The following RBFOX1 variants were observed in gnomAD, a reference collection of about 807,000 sequenced individuals.
RBFOX1 encodes RNA binding fox-1 homolog 1, also known as RNA binding protein fox-1 homolog 1.
Under a neutral mutation model 57.7 loss-of-function variants are expected in RBFOX1, and 8 were observed. That is an observed-to-expected ratio of 0.14 (90% CI 0.08 to 0.25). The LOEUF (loss-of-function observed/expected upper bound fraction) is 0.25. RBFOX1 is among the 10% of genes least tolerant of loss of function. The pLI is 1.00. For synonymous variants in RBFOX1, 326 were observed against 222.4 expected (o/e 1.47, Z -4.15); for missense variants, 611 against 548.5 (o/e 1.11, Z -1.14).
At chr16:5,327,237 C>T (rs182246999) in intron 1 of RBFOX1, among the ~76,000 whole-genome samples, 1 of 152,130 alleles carries the variant, frequency 6.6e-6, no homozygotes, top group Admixed American at 6.5e-5. Flanking sequence ...TGAAACTGGC[C>T]AGACCCTGCA....
chr16:7,300,526 A>C (rs1326049970), intron 4 of RBFOX1, among the ~76,000 whole-genome samples: 1 of 152,228 alleles, frequency 6.6e-6, no homozygotes, highest in Admixed American at 6.5e-5. Context: ...AGCTAACCCC[A>C]GTATAGATGA....
chr16:5,736,519 C>G (rs1393321208), intron 3 of RBFOX1, among the ~76,000 whole-genome samples: 1 of 152,128 alleles, frequency 6.6e-6, no homozygotes, highest in African/African-American at 2.4e-5. Context: ...GAGGGCTCGC[C>G]ACCCTGTTTC....
chr16:6,950,899 TTTC>T (rs930186854), intron 3 of RBFOX1, among the ~76,000 whole-genome samples: 2 of 97,206 alleles, frequency 2.1e-5, no homozygotes, highest in African/African-American at 6.8e-5. Context: ...CTTTTCACTC[TTTC>T]TTTCTTTCTC....
chr16:6,835,244 TG>T lies in RBFOX1; in HGVS notation c.-16+180596del, dbSNP rs553387338. Among the ~76,000 whole-genome samples, 347 of 152,246 alleles carry T rather than the reference TG, an allele frequency of 2.3e-3. 1 individual carries two copies. Among genetic ancestry groups the T allele is most frequent in the African/African-American group, 7.9e-3 (329 of 41,560 alleles). On this transcript the variant is annotated intron_variant, in intron 3 of 15. Coordinates refer to ENST00000550418, the MANE Select transcript of RBFOX1 (RefSeq NM_018723.4). ...AAGATGGCTCCGTTAGTGAGCGCTGTGGACTAAGATCCACAAACACAGCTGC... is the reference window on the plus strand; with the variant it reads ...AAGATGGCTCCGTTAGTGAGCGCTGTGACTAAGATCCACAAACACAGCTGC...
chr16:7,010,297 T>C (rs2093589981), intron 3 of RBFOX1, among the ~76,000 whole-genome samples: 1 of 152,236 alleles, frequency 6.6e-6, no homozygotes, highest in Admixed American at 6.5e-5. Flanking sequence ...CATGAACATT[T>C]AGAGAACACT....
At chr16:7,001,422 A>G (rs201203217) in intron 3 of RBFOX1, among the ~76,000 whole-genome samples, 1 of 149,638 alleles carries the variant, frequency 6.7e-6, no homozygotes, top group Admixed American at 6.7e-5. Flanking sequence ...GTATATGTAT[A>G]TGTATATGTA....
chr16:5,773,776 C>T (rs551837790), intron 3 of RBFOX1, among the ~76,000 whole-genome samples: 1 of 152,224 alleles, frequency 6.6e-6, no homozygotes, highest in South Asian at 2.1e-4. Context: ...CGGCTCACTG[C>T]AACCTCCATC....
chr16:5,746,584 T>C (rs1597079610), intron 3 of RBFOX1, among the ~76,000 whole-genome samples: 1 of 152,236 alleles, frequency 6.6e-6, no homozygotes, highest in East Asian at 1.9e-4. Context: ...TGGAATGTTC[T>C]TCTATTTGTT....
intron 1 of RBFOX1, chr16:5,467,174 TTCTCTCTC>T (rs34212245): frequency 5.3e-5 from 67 of 1,264,704 alleles, no homozygotes; most frequent in South Asian, 9.5e-5. Flanking sequence ...TCAATGTTTC[TTCTCTCTC>T]TCTCTCTCTC....
intron 10 of RBFOX1, among the ~76,000 whole-genome samples, chr16:7,608,460 G>A (rs1309116502): frequency 6.6e-6 from 1 of 152,206 alleles, no homozygotes; most frequent in Non-Finnish European, 1.5e-5. Context: ...TTTACCGGGA[G>A]CCTGGGTTAA....
intron 4 of RBFOX1, chr16:7,510,276 G>A: frequency 1.0e-6 from 1 of 985,922 alleles, no homozygotes; most frequent in Non-Finnish European, 1.2e-6. Context: ...CAGCTGCTAA[G>A]TTTATGGAGG....
At position 7,673,760 on chromosome 16, in the gene RBFOX1, C is replaced by T. The variant is rs116828136; in HGVS notation, c.931-3014C>T. On this transcript the variant is annotated intron_variant, in intron 13 of 15. Coordinates refer to ENST00000550418, the MANE Select transcript of RBFOX1 (RefSeq NM_018723.4). ...ATAAGGTTACATTTATATTTTGCTG[C>T]CCATCCTGTGAAGAAATAAATGTTT... 5.0e-3 allele frequency among the ~76,000 whole-genome samples: 767 copies of T among 152,276 alleles called. 5 individuals carry two copies. The highest frequency in any genetic ancestry group is 0.018 in the African/African-American group (743 of 41,556).
intron 2 of RBFOX1, among the ~76,000 whole-genome samples, chr16:6,571,368 C>A (rs553465064): frequency 6.6e-6 from 1 of 152,204 alleles, no homozygotes; most frequent in Admixed American, 6.5e-5. Flanking sequence ...ACATTTGAAA[C>A]CTAGGAGACC....
chr16:5,759,770 C>T (rs762775592), intron 3 of RBFOX1, among the ~76,000 whole-genome samples: 1 of 149,386 alleles, frequency 6.7e-6, no homozygotes, highest in Admixed American at 6.9e-5. Context: ...CTCCCTGATC[C>T]TGTAACAGTA....
chr16:7,200,088 A>G (rs1180794972), intron 4 of RBFOX1, among the ~76,000 whole-genome samples: 1 of 152,254 alleles, frequency 6.6e-6, no homozygotes, highest in East Asian at 1.9e-4. Flanking sequence ...ATAATACATA[A>G]TAGTGTCAGG....
chr16:7,533,220 T>G (rs970493427), intron 5 of RBFOX1, among the ~76,000 whole-genome samples: 2 of 152,218 alleles, frequency 1.3e-5, no homozygotes, highest in Non-Finnish European at 2.9e-5. Flanking sequence ...ATTTGGTATT[T>G]CTTACTGGAC....
At chr16:5,812,139 G>C (rs1483980891) in intron 3 of RBFOX1, among the ~76,000 whole-genome samples, 2 of 152,136 alleles carry the variant, frequency 1.3e-5, no homozygotes, top group Non-Finnish European at 2.9e-5. Flanking sequence ...TTTGTTGTGC[G>C]GTCATGTTCC....
intron 2 of RBFOX1, among the ~76,000 whole-genome samples, chr16:5,531,537 G>A (rs930609021): frequency 8.5e-5 from 13 of 152,140 alleles, no homozygotes; most frequent in Non-Finnish European, 1.6e-4. Flanking sequence ...ATGTGTTTGA[G>A]CCTTGGCTCT....
intron 4 of RBFOX1, among the ~76,000 whole-genome samples, chr16:7,064,272 A>G (rs2055370102): frequency 6.8e-6 from 1 of 147,178 alleles, no homozygotes; most frequent in Non-Finnish European, 1.5e-5. Flanking sequence ...AGGTTCAAGT[A>G]ATTGTCTTGC....
Sources: allele counts gnomAD v4.1 joint callset (sites outside exome capture counted in the v4.1 genomes callset), GRCh38; gene constraint gnomAD v4.1.1; transcripts MANE v1.5; gene names NCBI Gene and HGNC (gene_info 2026-07-23, HGNC 2026-07-21).